TMEM108: variants seen among roughly 807,000 people sequenced by gnomAD.
TMEM108 encodes transmembrane protein 108.
TMEM108 carries 12 observed loss-of-function variants against 35.1 expected under a neutral mutation model. The observed-to-expected ratio is 0.34, with a 90% CI of 0.22 to 0.55. TMEM108 has a LOEUF of 0.55. Ranked by LOEUF, TMEM108 falls within the 20% of genes least tolerant of loss-of-function variation. The pLI, the probability that TMEM108 is intolerant of heterozygous loss-of-function variation, is 0.89. For synonymous variants in TMEM108, 287 were observed against 308.6 expected, an observed-to-expected ratio of 0.93 and a Z score of 0.73; for missense variants, 680 against 753.3, an observed-to-expected ratio of 0.90 and a Z score of 1.14.
intron 2 of TMEM108, among the ~76,000 whole-genome samples, chr3:133,068,289 A>G (rs998980122): frequency 6.6e-5 from 10 of 152,092 alleles, no homozygotes; most frequent in African/African-American, 2.4e-4. Flanking sequence ...CCAATGGGAA[A>G]AGGTTAGCCA....
intron 3 of TMEM108, among the ~76,000 whole-genome samples, chr3:133,272,659 G>C (rs987855000): frequency 3.3e-5 from 5 of 152,142 alleles, no homozygotes; most frequent in Non-Finnish European, 7.4e-5. Flanking sequence ...AGGGGCAGGG[G>C]TTAGGAGTGA....
At chr3:133,098,951 CT>C (rs1944051793) in intron 2 of TMEM108, among the ~76,000 whole-genome samples, 1 of 152,166 alleles carries the variant, frequency 6.6e-6, no homozygotes, top group African/African-American at 2.4e-5. Context: ...TGGTGGCCCT[CT>C]TCTCACAGCT....
chr3:133,178,840 A>G (rs1383434289), intron 2 of TMEM108, among the ~76,000 whole-genome samples: 9 of 152,230 alleles, frequency 5.9e-5, no homozygotes, highest in Non-Finnish European at 1.5e-5. Context: ...GCTTCTGCAC[A>G]GTAAAAGAAA....
intron 3 of TMEM108, among the ~76,000 whole-genome samples, chr3:133,251,792 A>G (rs562905799): frequency 2.6e-4 from 39 of 152,176 alleles, no homozygotes; most frequent in Admixed American, 5.9e-4. Flanking sequence ...GCAAATCTAC[A>G]CTGTGGGAAG....
chr3:133,321,874 G>A (rs1166712679), intron 3 of TMEM108, among the ~76,000 whole-genome samples: 2 of 152,044 alleles, frequency 1.3e-5, no homozygotes, highest in African/African-American at 2.4e-5. Context: ...ATTCCAAATG[G>A]AACCCTCAAA....
intron 3 of TMEM108, among the ~76,000 whole-genome samples, chr3:133,318,902 C>T (rs2071229649): frequency 8.4e-6 from 1 of 118,400 alleles, no homozygotes; most frequent in African/African-American, 3.5e-5. Flanking sequence ...AAAGAAGCAG[C>T]AAATTCTGCG....
At chr3:133,341,058 C>G (rs1193532199) in intron 3 of TMEM108, among the ~76,000 whole-genome samples, 1 of 151,668 alleles carries the variant, frequency 6.6e-6, no homozygotes, top group Non-Finnish European at 1.5e-5. Flanking sequence ...GAAGTCCTAT[C>G]TAGAGCAATC....
chr3:133,248,108 T>G (rs1946413170), intron 3 of TMEM108: 1 of 152,202 alleles, frequency 6.6e-6, no homozygotes, highest in Admixed American at 6.5e-5. Flanking sequence ...CACCTCTGAC[T>G]CCTCTATGTA....
intron 2 of TMEM108, among the ~76,000 whole-genome samples, chr3:133,126,075 A>G (rs965380698): frequency 2.0e-5 from 3 of 152,252 alleles, no homozygotes; most frequent in Non-Finnish European, 4.4e-5. Context: ...AGTATAATCT[A>G]ATAAGAAAGA....
chr3:133,370,919 T>TGCGCGC, intron 3 of TMEM108, among the ~76,000 whole-genome samples: 1 of 136,790 alleles, frequency 7.3e-6, no homozygotes, highest in African/African-American at 2.7e-5. Context: ...TGTGTGTGTG[T>TGCGCGC]GTGCCAGGAA....
intron 2 of TMEM108, among the ~76,000 whole-genome samples, chr3:133,176,867 G>T (rs1945239390): frequency 6.6e-6 from 1 of 151,950 alleles, no homozygotes; most frequent in Non-Finnish European, 1.5e-5. Context: ...AAAAATCAAT[G>T]AATCCAGGAG....
chr3:133,397,593 A>G lies in TMEM108; in HGVS notation c.*1607A>G, dbSNP rs149680659. 418 of 152,312 alleles carry G rather than the reference A, an allele frequency of 2.7e-3. 6 individuals are homozygous for G. Among genetic ancestry groups the G allele is most frequent in the African/African-American group, 9.4e-3 (392 of 41,578 alleles). 9.4% of individuals were successfully genotyped at this position (152,312 alleles called of 1,614,324 possible). A position where few individuals can be genotyped will look rare whatever the true frequency, so the allele number is the denominator to read the frequency against. On this transcript the variant is annotated 3_prime_UTR_variant, in exon 6 of 6. Coordinates refer to ENST00000321871, the MANE Select transcript of TMEM108 (RefSeq NM_023943.4). ...ATATTTCTGTTAACTGTTACATTTAATATACCAATGTGTGTAAGTATACAG... is the reference window on the plus strand; with the variant it reads ...ATATTTCTGTTAACTGTTACATTTAGTATACCAATGTGTGTAAGTATACAG...
rs564811388 is a variant in TMEM108 at position 133,245,407 on chromosome 3, C to T, written c.40+16056C>T. 2.0e-5 allele frequency among the ~76,000 whole-genome samples: 3 copies of T among 152,322 alleles called. No individual in the cohort carries two copies. The South Asian group carries it at 6.2e-4, about 32-fold the overall frequency. On this transcript the variant is annotated intron_variant, in intron 3 of 5. Coordinates refer to ENST00000321871, the MANE Select transcript of TMEM108 (RefSeq NM_023943.4). ...TTCTTTGACCAGTTGTTTGTCCCAG[C>T]CTGGCATGGGTGGCTCCCTGCTGTT... is the stretch of plus-strand genomic sequence containing the variant.
intron 2 of TMEM108, among the ~76,000 whole-genome samples, chr3:133,206,513 G>A (rs1945756745): frequency 6.6e-6 from 1 of 152,158 alleles, no homozygotes; most frequent in Non-Finnish European, 1.5e-5. Context: ...TGATGTTGAT[G>A]CTATTCCTTT....
At chr3:133,245,484 T>G (rs1018952205) in intron 3 of TMEM108, among the ~76,000 whole-genome samples, 4 of 152,234 alleles carry the variant, frequency 2.6e-5, no homozygotes, top group Non-Finnish European at 4.4e-5. Flanking sequence ...CCACTCAGCA[T>G]AAACACATCA....
chr3:133,312,569 G>A (rs1469383101), intron 3 of TMEM108, among the ~76,000 whole-genome samples: 2 of 152,374 alleles, frequency 1.3e-5, no homozygotes, highest in South Asian at 4.1e-4. Context: ...TCTGCTGGTT[G>A]CTAAGACCAT....
chr3:133,133,269 C>G (rs1243287487), intron 2 of TMEM108, among the ~76,000 whole-genome samples: 1 of 152,210 alleles, frequency 6.6e-6, no homozygotes. Flanking sequence ...CCCCAAACTT[C>G]AGCCACCACC....
intron 3 of TMEM108, among the ~76,000 whole-genome samples, chr3:133,259,165 C>T (rs894109684): frequency 5.9e-5 from 9 of 152,216 alleles, no homozygotes; most frequent in Admixed American, 3.3e-4. Flanking sequence ...TGTTTCACTT[C>T]GTACTTTAAT....
rs61053905 is a variant in TMEM108 at position 133,192,190 on chromosome 3, A to G, written c.-46-37076A>G. On this transcript the variant is annotated intron_variant, in intron 2 of 5. Transcript: ENST00000321871. ...ACACTGAGGTTTATTTCCTAGTAAG[A>G]TGTAGAGGGCAAGAGTTTCAGCTTG... Among the ~76,000 whole-genome samples the G allele has an allele frequency of 1.8e-3, 273 of 152,310 alleles. 1 individual carries two copies. The highest frequency in any genetic ancestry group is 6.1e-3 in the African/African-American group (253 of 41,572).
Sources: gnomAD v4.1 joint callset for allele counts (sites outside exome capture counted in the v4.1 genomes callset) on GRCh38, gnomAD v4.1.1 for gene constraint, MANE v1.5 for transcripts, NCBI Gene and HGNC (gene_info 2026-07-23, HGNC 2026-07-21) for gene names.